The following MPRIP variants were observed in gnomAD, a reference collection of about 807,000 sequenced individuals.
MPRIP encodes the protein myosin phosphatase Rho interacting protein.
MPRIP carries 59 observed loss-of-function variants against 234.9 expected under a neutral mutation model. The ratio of observed to expected loss-of-function variants is 0.25; its 90% CI spans 0.20 to 0.31. The LOEUF (loss-of-function observed/expected upper bound fraction) is 0.31, where lower values mean the gene tolerates loss of function less well. MPRIP is among the 10% of genes least tolerant of loss of function. MPRIP has a pLI of 1.00. For synonymous variants in MPRIP, 1,144 were observed against 1,263.9 expected (o/e 0.91, Z 2.01); for missense variants, 2,436 against 3,071.0 (o/e 0.79, Z 4.89).
chr17:17,168,144 G>T (rs2046046055), intron 16 of MPRIP: 3 of 344,606 alleles, frequency 8.7e-6, no homozygotes, highest in African/African-American at 6.5e-5. Flanking sequence ...GGGCCGCCAG[G>T]GTCCCTGGTG....
At chr17:17,048,862 T>C (rs1381959804) in intron 1 of MPRIP, among the ~76,000 whole-genome samples, 1 of 152,206 alleles carries the variant, frequency 6.6e-6, no homozygotes, top group African/African-American at 2.4e-5. Flanking sequence ...GACAGGTGTA[T>C]TCAAACAGAT....
chr17:17,057,757 C>T, intron 1 of MPRIP: 1 of 713,916 alleles, frequency 1.4e-6, no homozygotes, highest in Non-Finnish European at 2.6e-6. Flanking sequence ...CCCCCACCCG[C>T]TGCCCCATCC....
intron 12 of MPRIP, among the ~76,000 whole-genome samples, chr17:17,153,275 T>A (rs2045644485): frequency 6.6e-6 from 1 of 152,122 alleles, no homozygotes; most frequent in Non-Finnish European, 1.5e-5. Flanking sequence ...GCCAGGCCAC[T>A]AGCACCCATC....
chr17:17,166,237 A>G lies in MPRIP; in HGVS notation c.4646A>G (p.Gln1549Arg), dbSNP rs1298538729. ...GAGAATGGGAAGCCTGCCTCCCTGCAGCAGTGCTCCCAGTCTGAGTTGACA... is the reference window on the plus strand; with the variant it reads ...GAGAATGGGAAGCCTGCCTCCCTGCGGCAGTGCTCCCAGTCTGAGTTGACA... ...TEENGKPASL[Q>R]QCSQSELTEQ... The change falls in exon 16 of 24, where the codon CAG becomes CGG. Residue 1549 changes from glutamine (Q) to arginine (R), a missense_variant. Coordinates refer to ENST00000651222, the MANE Select transcript of MPRIP (RefSeq NM_001364716.4). This position sits in a 1 kb window ranked among gnomAD's most constrained non-coding sequence, Gnocchi z 4.4. 1 of 1,303,958 alleles carries G rather than the reference A, an allele frequency of 7.7e-7. No homozygotes were observed. Among genetic ancestry groups the G allele is most frequent in the Non-Finnish European group, 1.0e-6 (1 of 988,792 alleles). 80.8% of individuals were successfully genotyped at this position (1,303,958 alleles called of 1,614,324 possible). A position where few individuals can be genotyped will look rare whatever the true frequency, so the allele number is the denominator to read the frequency against.
At chr17:17,123,820 A>G (rs2144371098) in intron 3 of MPRIP, among the ~76,000 whole-genome samples, 1 of 152,106 alleles carries the variant, frequency 6.6e-6, no homozygotes, top group African/African-American at 2.4e-5. Flanking sequence ...ATGGAAATAG[A>G]TTGGGCTCTG....
intron 3 of MPRIP, among the ~76,000 whole-genome samples, chr17:17,085,164 G>T (rs2089557166): frequency 1.3e-5 from 2 of 152,274 alleles, no homozygotes; most frequent in Non-Finnish European, 2.9e-5. Context: ...TTGTTGGAGT[G>T]GGGTCAGTAA....
rs889679845 is a variant in MPRIP, at chr17:17,167,778, A to T, written c.6187A>T (p.Met2063Leu). The T allele has an allele frequency of 1.2e-5, 15 of 1,304,224 alleles. No homozygotes were observed. The highest frequency in any genetic ancestry group is 1.5e-5 in the Non-Finnish European group (15 of 988,948). 80.8% of individuals were successfully genotyped at this position (1,304,224 alleles called of 1,614,324 possible). The change falls in exon 16 of 24, where the codon ATG becomes TTG. Residue 2063 changes from methionine to leucine, a missense_variant. Met to Leu is a conservative substitution (Grantham distance 15, BLOSUM62 2). Transcript: ENST00000651222. The surrounding 1 kb of genome is among the most constrained non-coding windows in gnomAD (Gnocchi z 5.9). ...GGCCACCCAGGGAGAGGCTGACTCC[A>T]TGACGGGGCTGAGGGAGCGCATCCA... ...WQATQGEADSMTGLRERIQEL... is the reference protein window; with the variant it reads ...WQATQGEADSLTGLRERIQEL...
rs1202270809 is a variant in MPRIP at position 17,188,262 on chromosome 17, G to C, written c.*3368G>C. On this transcript the variant is annotated 3_prime_UTR_variant, in exon 24 of 24. Coordinates refer to ENST00000651222, the MANE Select transcript of MPRIP (RefSeq NM_001364716.4). ...TGCTTCAGGGAGTCATAATGGGCCTGTGCTAAGTGGGTGATGCAGTGGACA... is the reference window on the plus strand; with the variant it reads ...TGCTTCAGGGAGTCATAATGGGCCTCTGCTAAGTGGGTGATGCAGTGGACA... The C allele has an allele frequency of 6.6e-6, 1 of 152,416 alleles. No individual in the cohort carries two copies. Among genetic ancestry groups the C allele is most frequent in the Non-Finnish European group, 1.5e-5 (1 of 68,140 alleles). 9.4% of individuals were successfully genotyped at this position (152,416 alleles called of 1,614,324 possible).
chr17:17,106,241 G>A (rs2090060951), intron 3 of MPRIP, among the ~76,000 whole-genome samples: 1 of 152,082 alleles, frequency 6.6e-6, no homozygotes, highest in South Asian at 2.1e-4. Flanking sequence ...CTGAGTGACT[G>A]AATGGGTGAA....
At position 17,158,971 on chromosome 17, in the gene MPRIP, C is replaced by T; in HGVS notation, c.2369C>T (p.Thr790Ile). 6.2e-7 allele frequency: 1 copy of T among 1,612,780 alleles called. No individual in the cohort carries two copies. Among genetic ancestry groups the T allele is most frequent in the Non-Finnish European group, 8.5e-7 (1 of 1,179,906 alleles). The change falls in exon 14 of 24, where the codon ACA (threonine) becomes ATA (isoleucine). Residue 790 changes from threonine to isoleucine, a missense_variant. Around this residue, in one of 4 missense-constraint regions of MPRIP, gnomAD observed 1,998 missense variants for 2,520.3 expected, o/e 0.79. Transcript: ENST00000651222. ...SSEDGGDRLS[T>I]HELTSLLEKE... The stretch of plus-strand genomic sequence containing the variant: ...GAAGATGGGGGTGACCGGCTCTCCA[C>T]ACACGAGCTGACCTCTCTGCTCGAG...
At chr17:17,044,220 A>G (rs112643836) in intron 1 of MPRIP, among the ~76,000 whole-genome samples, 7 of 152,330 alleles carry the variant, frequency 4.6e-5, no homozygotes, top group African/African-American at 1.7e-4. Context: ...TAAGATACCA[A>G]GGGTTTTAAG....
chr17:17,136,532 C>A, intron 6 of MPRIP, 82 bp downstream of exon 6: 3 of 1,339,440 alleles, frequency 2.2e-6, no homozygotes, highest in South Asian at 2.7e-5. Context: ...TCAGCCAAGG[C>A]CTGTAGAGCC....
chr17:17,130,159 G>A (rs892230360), intron 4 of MPRIP, among the ~76,000 whole-genome samples: 1 of 152,094 alleles, frequency 6.6e-6, no homozygotes, highest in Non-Finnish European at 1.5e-5. Flanking sequence ...TCAGCAAATC[G>A]AGCATCACTG....
intron 1 of MPRIP, among the ~76,000 whole-genome samples, chr17:17,064,896 G>A (rs1051284822): frequency 6.6e-6 from 1 of 152,172 alleles, no homozygotes; most frequent in Admixed American, 6.5e-5. Context: ...CTAGGTTGTA[G>A]GTAGTTGCAT....
chr17:17,073,311 C>T (rs766750717), intron 1 of MPRIP, among the ~76,000 whole-genome samples: 1 of 152,234 alleles, frequency 6.6e-6, no homozygotes, highest in Non-Finnish European at 1.5e-5. Context: ...AGCAAAGTGG[C>T]TGCTGCAGGC....
chr17:17,097,822 C>G (rs950892439), intron 3 of MPRIP, among the ~76,000 whole-genome samples: 9 of 152,154 alleles, frequency 5.9e-5, no homozygotes, highest in African/African-American at 1.4e-4. Context: ...CATCCTACCC[C>G]CAGATTTGTC....
At chr17:17,136,477 T>C (rs1241005651) in intron 6 of MPRIP, 27 bp downstream of exon 6, 2 of 1,587,714 alleles carry the variant, frequency 1.3e-6, no homozygotes, top group Non-Finnish European at 1.7e-6. Flanking sequence ...CTGGCTTGTA[T>C]GCACGGGAAT....
At chr17:17,144,717 G>A (rs1301795749) in intron 9 of MPRIP, among the ~76,000 whole-genome samples, 1 of 152,238 alleles carries the variant, frequency 6.6e-6, no homozygotes, top group Non-Finnish European at 1.5e-5. Flanking sequence ...TTAGCTGGGT[G>A]TGGTGTCGCG....
chr17:17,154,691 ATCTGTG>A (rs1335515622), intron 13 of MPRIP, among the ~76,000 whole-genome samples: 4 of 152,192 alleles, frequency 2.6e-5, no homozygotes, highest in Non-Finnish European at 5.9e-5. Context: ...AGAATCTTCC[ATCTGTG>A]TCAGCAGGCA....
Sources: allele counts gnomAD v4.1 joint callset (sites outside exome capture counted in the v4.1 genomes callset), GRCh38; gene constraint gnomAD v4.1.1; regional missense constraint gnomAD v4.1.1; non-coding constraint Gnocchi (gnomAD v3.1); transcripts MANE v1.5; gene names NCBI Gene and HGNC (gene_info 2026-07-23, HGNC 2026-07-21).